MAP3K8: variants seen among roughly 807,000 people sequenced by gnomAD.
MAP3K8 encodes Ewing sarcoma transformant.
A neutral mutation model predicts 45.8 loss-of-function variants in MAP3K8; 22 were observed. That is an observed-to-expected ratio of 0.48 (90% CI 0.34 to 0.69). MAP3K8 has a LOEUF of 0.69. MAP3K8 is among the 30% of genes least tolerant of loss of function. MAP3K8 has a pLI of 0.01. For synonymous variants in MAP3K8, 223 were observed against 214.3 expected, an observed-to-expected ratio of 1.04 and a Z score of -0.36; for missense variants, 419 against 585.0, an observed-to-expected ratio of 0.72 and a Z score of 2.93.
At chr10:30,445,803 A>G (rs1436197259) in intron 3 of MAP3K8, among the ~76,000 whole-genome samples, 3 of 152,252 alleles carry the variant, frequency 2.0e-5, no homozygotes, top group Non-Finnish European at 4.4e-5. Flanking sequence ...TAATGACTTC[A>G]TATTTCTAAG....
chr10:30,450,771 G>A (rs768402890), intron 5 of MAP3K8: 30 of 422,438 alleles, frequency 7.1e-5, no homozygotes, highest in Non-Finnish European at 1.2e-4. Context: ...GTACTGCTCT[G>A]TTAAAAAGGC....
At chr10:30,436,533 G>A (rs1267816489) in intron 1 of MAP3K8, among the ~76,000 whole-genome samples, 1 of 151,864 alleles carries the variant, frequency 6.6e-6, no homozygotes, top group Non-Finnish European at 1.5e-5. Context: ...CAAGCTCTTG[G>A]GTTTTACATA....
chr10:30,457,457 G>T (rs1836776478), intron 6 of MAP3K8, among the ~76,000 whole-genome samples: 2 of 152,144 alleles, frequency 1.3e-5, no homozygotes, highest in African/African-American at 4.8e-5. Flanking sequence ...GGTTAGCAGT[G>T]TAATGACAAA....
At chr10:30,455,926 C>G (rs1248895048) in intron 6 of MAP3K8, among the ~76,000 whole-genome samples, 1 of 152,214 alleles carries the variant, frequency 6.6e-6, no homozygotes, top group African/African-American at 2.4e-5. Flanking sequence ...GGAACAAGAG[C>G]TCCGAGCCAG....
chr10:30,458,394 C>G (rs1836823285), intron 7 of MAP3K8, among the ~76,000 whole-genome samples, 158 bp downstream of exon 7: 1 of 152,148 alleles, frequency 6.6e-6, no homozygotes, highest in Admixed American at 6.6e-5. Flanking sequence ...CATGTAGAAG[C>G]AAGCTCCATT....
chr10:30,438,851 T>C (rs761222379), intron 2 of MAP3K8, 65 bp from the exon 3 acceptor site: 3 of 867,106 alleles, frequency 3.5e-6, no homozygotes, highest in Non-Finnish European at 5.2e-6. Flanking sequence ...TGTATGTCAG[T>C]TTCCCATGGG....
intron 1 of MAP3K8, chr10:30,434,805 T>A (rs1835861381): frequency 8.1e-6 from 8 of 981,780 alleles, no homozygotes; most frequent in Middle Eastern, 5.2e-4. Context: ...GGTGCTTTGA[T>A]AATTTATAAG....
In MAP3K8 at chr10:30,459,461, G is replaced by A; in HGVS notation, c.1233G>A (p.Leu411=). The change falls in exon 8 of 9, where the codon CTG becomes CTA. Residue 411 remains leucine (L), a synonymous_variant. Coordinates refer to ENST00000263056, the MANE Select transcript of MAP3K8 (RefSeq NM_005204.4). The part of the protein sequence containing the change: ...LDSALLERKR[L]LSRKELELPE... ...CTGCCCTCTTGGAGCGCAAGAGGCTGCTGAGTAGGAAGGAGCTGGAACTTC... is the reference window on the plus strand; with the variant it reads ...CTGCCCTCTTGGAGCGCAAGAGGCTACTGAGTAGGAAGGAGCTGGAACTTC... 6.2e-7 allele frequency: 1 copy of A among 1,614,158 alleles called. No individual in the cohort carries two copies. The highest frequency in any genetic ancestry group is 8.5e-7 in the Non-Finnish European group (1 of 1,180,024).
At chr10:30,439,471 T>C in intron 3 of MAP3K8, 197 bp downstream of exon 3, 4 of 1,152,896 alleles carry the variant, frequency 3.5e-6, no homozygotes, top group Non-Finnish European at 4.8e-6. Flanking sequence ...ATTTAAAGAT[T>C]CTTGATCATA....
chr10:30,447,722 T>G, intron 3 of MAP3K8, 60 bp from the exon 4 acceptor site: 1 of 1,344,644 alleles, frequency 7.4e-7, no homozygotes, highest in Non-Finnish European at 1.1e-6. Flanking sequence ...AATAGGTGGG[T>G]CTTAGAAAAA....
Position 30,461,395 on chromosome 10 carries a change from C to T in MAP3K8, c.*559C>T. The T allele has an allele frequency of 4.9e-6, 1 of 205,006 alleles. No homozygotes were observed. Among genetic ancestry groups the T allele is most frequent in the East Asian group, 7.6e-5 (1 of 13,180 alleles). 12.7% of individuals were successfully genotyped at this position (205,006 alleles called of 1,614,324 possible). Reference sequence around the variant, plus strand: ...AAATGGCTAACTGATGAATTAGAAGCCATCTGACAGCAGGCCACTAGTGAC... The same window carrying T: ...AAATGGCTAACTGATGAATTAGAAGTCATCTGACAGCAGGCCACTAGTGAC... On this transcript the variant is annotated 3_prime_UTR_variant, in exon 9 of 9. Coordinates refer to ENST00000263056, the MANE Select transcript of MAP3K8 (RefSeq NM_005204.4).
intron 1 of MAP3K8, 138 bp downstream of exon 1, chr10:30,434,516 C>T: frequency 4.1e-6 from 4 of 985,748 alleles, no homozygotes; most frequent in Non-Finnish European, 4.8e-6. Context: ...GGGGCGTGCC[C>T]ACAGCTGCGC....
At chr10:30,447,492 G>GC (rs1479571427) in intron 3 of MAP3K8, among the ~76,000 whole-genome samples, 1 of 152,122 alleles carries the variant, frequency 6.6e-6, no homozygotes, top group Non-Finnish European at 1.5e-5. Flanking sequence ...CCGTAGTCAT[G>GC]CTTTTTTAGA....
intron 4 of MAP3K8, 118 bp downstream of exon 4, chr10:30,448,067 G>A: frequency 1.1e-6 from 1 of 874,588 alleles, no homozygotes; most frequent in East Asian, 2.6e-5. Context: ...ATCTGAGGGT[G>A]CACTGCCTCA....
intron 3 of MAP3K8, among the ~76,000 whole-genome samples, chr10:30,446,261 G>A (rs937637465): frequency 5.9e-5 from 9 of 152,166 alleles, no homozygotes; most frequent in East Asian, 5.8e-4. Flanking sequence ...TGAGCCAGGC[G>A]CCGTGGCTCA....
At chr10:30,443,308 T>C (rs941539071) in intron 3 of MAP3K8, among the ~76,000 whole-genome samples, 1 of 152,224 alleles carries the variant, frequency 6.6e-6, no homozygotes, top group African/African-American at 2.4e-5. Context: ...AATGAATACA[T>C]GTGACCTGGT....
At chr10:30,442,668 G>T (rs574792328) in intron 3 of MAP3K8, among the ~76,000 whole-genome samples, 4 of 152,160 alleles carry the variant, frequency 2.6e-5, no homozygotes, top group African/African-American at 9.7e-5. Flanking sequence ...TATCATCTAC[G>T]CTGATTCATA....
At chr10:30,457,227 C>T (rs1836767482) in intron 6 of MAP3K8, among the ~76,000 whole-genome samples, 1 of 152,196 alleles carries the variant, frequency 6.6e-6, no homozygotes, top group Non-Finnish European at 1.5e-5. Flanking sequence ...AGCATGGACT[C>T]ATGAGACCAA....
Position 30,439,177 on chromosome 10 carries a change from CTG to C in MAP3K8, c.242_243del (p.Val81GlyfsTer61). On this transcript the variant is annotated frameshift_variant, in exon 3 of 9. Transcript: ENST00000263056. LOFTEE classifies it high-confidence loss of function. ...TGGTTGTCATCAGTCAGATATGGAA[CTG>C]TGGAGGATTTGCTTGCTTTTGCAAA... The C allele has an allele frequency of 6.2e-7, 1 of 1,614,202 alleles. No homozygotes were observed.
Sources: allele counts gnomAD v4.1 joint callset (sites outside exome capture counted in the v4.1 genomes callset), GRCh38; gene constraint gnomAD v4.1.1; transcripts MANE v1.5; gene names NCBI Gene and HGNC (gene_info 2026-07-23, HGNC 2026-07-21).